Variants in KANSL1 observed in about 807,000 individuals in gnomAD.
KANSL1 encodes the protein KAT8 regulatory NSL complex subunit 1, also known as MLL1/MLL complex subunit KANSL1.
A neutral mutation model predicts 103.6 loss-of-function variants in KANSL1; 22 were observed. The observed-to-expected ratio is 0.21, with a 90% confidence interval of 0.15 to 0.30. The LOEUF (loss-of-function observed/expected upper bound fraction) is 0.30, where lower values mean the gene tolerates loss of function less well. Ranked by LOEUF, KANSL1 falls within the 10% of genes least tolerant of loss-of-function variation. KANSL1 has a pLI of 1.00. For synonymous variants in KANSL1, 600 were observed against 527.6 expected, an observed-to-expected ratio of 1.14 and a Z score of -1.88; for missense variants, 1,337 against 1,399.8, an observed-to-expected ratio of 0.96 and a Z score of 0.72.
chr17:46,049,025 T>C (rs758775660), intron 7 of KANSL1, among the ~76,000 whole-genome samples: 2 of 152,210 alleles, frequency 1.3e-5, no homozygotes, highest in Non-Finnish European at 2.9e-5. Context: ...AATCTCTTAG[T>C]TGCAATCTTT....
Position 46,039,772 on chromosome 17 carries a change from C to G in KANSL1, c.2133G>C (p.Met711Ile), listed in dbSNP as rs569177588. The G allele has an allele frequency of 6.2e-7, 1 of 1,614,214 alleles. No individual in the cohort carries two copies. Among genetic ancestry groups the G allele is most frequent in the African/African-American group, 1.3e-5 (1 of 75,048 alleles). ...KKLSLKHRAP[M>I]PGSLPDSARK... The stretch of plus-strand genomic sequence containing the variant: ...GAGCTGAATCTGGCAGACTGCCCGG[C>G]ATGGGTGCTCTGTGCTTAAGCGATA... Residue 711 changes from methionine (M) to isoleucine (I), a missense_variant, in exon 8 of 15, where the codon ATG (methionine) becomes ATC (isoleucine). Physicochemically the swap from Met to Ile is conservative, Grantham distance 10. Around this residue, in one of 2 missense-constraint regions of KANSL1, gnomAD observed 780 missense variants for 923.4 expected, o/e 0.84. Transcript: ENST00000432791.
intron 2 of KANSL1, among the ~76,000 whole-genome samples, chr17:46,147,572 T>TA (rs10717937): frequency 0.049 from 5,006 of 102,110 alleles, 154 homozygotes; most frequent in African/African-American, 0.077. Flanking sequence ...TGAGACTCTT[T>TA]AAAAAAAAAA....
At chr17:46,048,344 G>A (rs888600167) in intron 7 of KANSL1, among the ~76,000 whole-genome samples, 4 of 151,962 alleles carry the variant, frequency 2.6e-5, no homozygotes, top group Admixed American at 2.0e-4. Context: ...GAGGCGGGTG[G>A]ATCACCTGAG....
intron 2 of KANSL1, among the ~76,000 whole-genome samples, chr17:46,096,302 C>CTTTTTTTTCTTTTTTT (rs2042063064): frequency 2.4e-5 from 2 of 82,596 alleles, no homozygotes; most frequent in East Asian, 5.9e-4. Context: ...ACATACCTGG[C>CTTTTTTTTCTTTTTTT]TTTTTTTTCT....
At chr17:46,059,621 C>CT (rs1388051335) in intron 6 of KANSL1, among the ~76,000 whole-genome samples, 2 of 82,832 alleles carry the variant, frequency 2.4e-5, no homozygotes, top group Admixed American at 1.8e-4. Context: ...AGGCGAGGCT[C>CT]TGACTCCAAA....
chr17:46,095,833 GAAA>G (rs918436622), intron 2 of KANSL1, among the ~76,000 whole-genome samples: 11 of 151,760 alleles, frequency 7.2e-5, no homozygotes, highest in African/African-American at 2.7e-4. Flanking sequence ...TAGGATAAAA[GAAA>G]AAAAGACAAT....
At chr17:46,078,869 AC>A in intron 4 of KANSL1, among the ~76,000 whole-genome samples, 1 of 152,222 alleles carries the variant, frequency 6.6e-6, no homozygotes, top group Non-Finnish European at 1.5e-5. Flanking sequence ...CCAAGGGCAC[AC>A]CCTCTTTGTT....
At chr17:46,115,037 G>C (rs2042983322) in intron 2 of KANSL1, among the ~76,000 whole-genome samples, 1 of 152,048 alleles carries the variant, frequency 6.6e-6, no homozygotes, top group Admixed American at 6.6e-5. Context: ...TTGGCAAACA[G>C]GTATTTTTGT....
chr17:46,148,675 C>A (rs1210011455), intron 2 of KANSL1, among the ~76,000 whole-genome samples: 1 of 151,828 alleles, frequency 6.6e-6, no homozygotes, highest in Non-Finnish European at 1.5e-5. Context: ...CAACCTCTAC[C>A]TCCTGGGTTC....
intron 2 of KANSL1, among the ~76,000 whole-genome samples, chr17:46,162,281 G>A (rs1302417561): frequency 6.6e-6 from 1 of 152,136 alleles, no homozygotes; most frequent in Non-Finnish European, 1.5e-5. Flanking sequence ...GTCCACTTTG[G>A]TCCATGTTTA....
intron 2 of KANSL1, among the ~76,000 whole-genome samples, chr17:46,127,827 G>A (rs1011925170): frequency 6.6e-6 from 1 of 151,938 alleles, no homozygotes; most frequent in Non-Finnish European, 1.5e-5. Context: ...ACAATTCTCT[G>A]TAAATTCTTC....
At chr17:46,211,359 A>G (rs1355098502) in intron 1 of KANSL1, among the ~76,000 whole-genome samples, 1 of 152,206 alleles carries the variant, frequency 6.6e-6, no homozygotes. Flanking sequence ...CCACACATAA[A>G]ATACACTAAA....
intron 2 of KANSL1, among the ~76,000 whole-genome samples, chr17:46,107,779 C>T (rs2147079372): frequency 6.6e-6 from 1 of 152,288 alleles, no homozygotes; most frequent in East Asian, 1.9e-4. Context: ...GAAGTTGATA[C>T]TTTCCCCTCC....
Position 46,151,484 on chromosome 17 carries a change from T to G in KANSL1, c.1289+19371A>C, listed in dbSNP as rs1403121150. Among the ~76,000 whole-genome samples the G allele has an allele frequency of 3.3e-5, 5 of 152,372 alleles. No individual in the cohort carries two copies. The East Asian group carries it at 9.6e-4, about 29-fold the overall frequency. On this transcript the variant is annotated intron_variant, in intron 2 of 14. Transcript: ENST00000432791. ...CATCTCTCTCCCATAACCATCACTT[T>G]CAATCTCCTTAGGCTCTTTCCTTTT...
intron 4 of KANSL1, 125 bp downstream of exon 4, chr17:46,082,316 A>G: frequency 1.7e-6 from 1 of 594,024 alleles, no homozygotes. Context: ...ACCAAAAGTG[A>G]TAAAAGTAGA....
At chr17:46,141,281 C>T (rs943140177) in intron 2 of KANSL1, among the ~76,000 whole-genome samples, 4 of 152,200 alleles carry the variant, frequency 2.6e-5, no homozygotes, top group Non-Finnish European at 5.9e-5. Flanking sequence ...GGACAGGAAG[C>T]ATTTACACTC....
chr17:46,050,662 G>T lies in KANSL1; in HGVS notation c.1891C>A (p.Pro631Thr), dbSNP rs2077679804. ...CCTGAACCACACAGTGCGCAGGAGG[G>T]ATTCACATCACAGCCAGGGCGGATT... Reference protein sequence around the residue: ...STIRPGCDVNPSCALCGSGSI... With the variant: ...STIRPGCDVNTSCALCGSGSI... The change falls in exon 7 of 15, where the codon CCC becomes ACC. Residue 631 changes from proline to threonine, a missense_variant. Physicochemically the swap from Pro to Thr is conservative, Grantham distance 38. Coordinates refer to ENST00000432791, the MANE Select transcript of KANSL1 (RefSeq NM_015443.4). 1 of 1,614,080 alleles carries T rather than the reference G, an allele frequency of 6.2e-7. No homozygotes were observed.
chr17:46,162,306 T>G (rs1265698199), intron 2 of KANSL1, among the ~76,000 whole-genome samples: 3 of 152,190 alleles, frequency 2.0e-5, no homozygotes, highest in Non-Finnish European at 4.4e-5. Context: ...GGTGGGGAAA[T>G]GAATTAAAGT....
At position 46,171,470 on chromosome 17, in the gene KANSL1, T is replaced by C. The variant is rs766543331; in HGVS notation, c.674A>G (p.Asn225Ser). ...AGAGGATTTGTTTGCAGTGCTATTA[T>C]TGCTATACAAAGTTGTGTGTTCTAC... is the stretch of plus-strand genomic sequence containing the variant. ...LDVEHTTLYS[N>S]NSTANKSSVN... is the part of the protein sequence containing the mutation. Residue 225 changes from asparagine (N) to serine (S), a missense_variant, in exon 2 of 15, where the codon AAT becomes AGT. By Grantham distance (46) the Asn-to-Ser change is conservative. Coordinates refer to ENST00000432791, the MANE Select transcript of KANSL1 (RefSeq NM_015443.4). The C allele has an allele frequency of 4.3e-6, 7 of 1,614,016 alleles. No individual in the cohort carries two copies. The African/African-American group carries it at 5.3e-5, about 12-fold the overall frequency.
Sources: gnomAD v4.1 joint callset for allele counts (sites outside exome capture counted in the v4.1 genomes callset) on GRCh38, gnomAD v4.1.1 for gene constraint, gnomAD v4.1.1 regional missense constraint, MANE v1.5 for transcripts, NCBI Gene and HGNC (gene_info 2026-07-23, HGNC 2026-07-21) for gene names.